Variants in CCDC60 observed in about 807,000 individuals in gnomAD.
The protein encoded by CCDC60 is coiled-coil domain-containing protein 60.
Under a neutral mutation model 63.5 loss-of-function variants are expected in CCDC60, and 54 were observed. That is an observed-to-expected ratio of 0.85 (90% CI 0.68 to 1.07). The LOEUF (loss-of-function observed/expected upper bound fraction) is 1.07. Among genes scored for constraint, CCDC60 ranks in the 50% least tolerant of loss-of-function variants. The pLI is 0.00. For synonymous variants in CCDC60, 206 were observed against 238.8 expected, an observed-to-expected ratio of 0.86 and a Z score of 1.27; for missense variants, 651 against 684.3, an observed-to-expected ratio of 0.95 and a Z score of 0.54.
rs576843624 is a variant in CCDC60, at chr12:119,435,619, A to G, written c.170+6857A>G. On this transcript the variant is annotated intron_variant, in intron 2 of 13. Coordinates refer to ENST00000327554, the MANE Select transcript of CCDC60 (RefSeq NM_178499.5). The stretch of plus-strand genomic sequence containing the variant: ...GTTTATATTTACATAGCATCTTACA[A>G]TCTTCCCCGAGGCAGGCAGGAAAAG... 7.2e-5 allele frequency among the ~76,000 whole-genome samples: 11 copies of G among 152,308 alleles called. No homozygotes were observed. In the South Asian group the frequency reaches 1.2e-3, roughly 17 times the overall value.
intron 1 of CCDC60, among the ~76,000 whole-genome samples, chr12:119,375,115 T>G (rs1955938275): frequency 1.3e-5 from 2 of 152,142 alleles, no homozygotes; most frequent in Admixed American, 1.3e-4. Context: ...TCAGCCTCAT[T>G]TTACCCAGTC....
rs1167408380 is a variant in CCDC60 at position 119,470,392 on chromosome 12, C to T, written c.171-1602C>T. ...TCCCCTGAACTGGTCCCTGGAATAG[C>T]AGGTTCTCAGCCAAGGTCAGCCAGA... On this transcript the variant is annotated intron_variant, in intron 2 of 13. Coordinates refer to ENST00000327554, the MANE Select transcript of CCDC60 (RefSeq NM_178499.5). 3.9e-5 allele frequency among the ~76,000 whole-genome samples: 6 copies of T among 152,212 alleles called. No homozygotes were observed. The South Asian group carries it at 6.2e-4, about 16-fold the overall frequency.
intron 1 of CCDC60, among the ~76,000 whole-genome samples, chr12:119,399,523 A>G (rs572036506): frequency 1.3e-5 from 2 of 152,280 alleles, no homozygotes; most frequent in East Asian, 3.9e-4. Context: ...CTCTGCCAAC[A>G]GTGCGTGTCG....
chr12:119,361,184 G>GA (rs901515309), intron 1 of CCDC60, among the ~76,000 whole-genome samples: 1 of 128,260 alleles, frequency 7.8e-6, no homozygotes, highest in Non-Finnish European at 1.6e-5. Flanking sequence ...GGGAGAGGGA[G>GA]AGGGAGAGGG....
chr12:119,374,041 T>A, intron 1 of CCDC60, among the ~76,000 whole-genome samples: 1 of 151,754 alleles, frequency 6.6e-6, no homozygotes, highest in East Asian at 1.9e-4. Flanking sequence ...AGGGGCTGAG[T>A]AGTAGGAAGC....
intron 1 of CCDC60, among the ~76,000 whole-genome samples, chr12:119,364,761 A>C (rs1211839248): frequency 6.6e-6 from 1 of 152,206 alleles, no homozygotes; most frequent in Non-Finnish European, 1.5e-5. Context: ...CCACGGGGCG[A>C]TCTCCCTTTG....
At position 119,471,993 on chromosome 12, in the gene CCDC60, G is replaced by C. The variant is rs1951070873; in HGVS notation, c.171-1G>C. ...CCCTCTTCCTCCCTGCATGTCTCCA[G>C]CTTTTTGATCCAGTCTGTGAAGATA... On this transcript the variant is annotated splice_acceptor_variant, in intron 2 of 13. Coordinates refer to ENST00000327554, the MANE Select transcript of CCDC60 (RefSeq NM_178499.5). LOFTEE classifies it high-confidence loss of function. 1 of 1,609,882 alleles carries C rather than the reference G, an allele frequency of 6.2e-7. No homozygotes were observed. The highest frequency in any genetic ancestry group is 8.5e-7 in the Non-Finnish European group (1 of 1,177,842).
At chr12:119,418,557 G>C (rs895058637) in intron 1 of CCDC60, among the ~76,000 whole-genome samples, 1 of 151,510 alleles carries the variant, frequency 6.6e-6, no homozygotes, top group Non-Finnish European at 1.5e-5. Context: ...TGGGACTACA[G>C]GTGCACGCCA....
At chr12:119,521,867 C>T (rs998985432) in intron 9 of CCDC60, among the ~76,000 whole-genome samples, 4 of 152,174 alleles carry the variant, frequency 2.6e-5, no homozygotes, top group Non-Finnish European at 5.9e-5. Flanking sequence ...GGTTGGAATC[C>T]AAAATCAAGG....
At chr12:119,440,324 A>T (rs897549453) in intron 2 of CCDC60, among the ~76,000 whole-genome samples, 3 of 152,060 alleles carry the variant, frequency 2.0e-5, no homozygotes, top group Non-Finnish European at 4.4e-5. Flanking sequence ...AGGTCAGGAG[A>T]TCAAGACCAT....
chr12:119,344,855 TCA>T (rs1199779284), intron 1 of CCDC60, among the ~76,000 whole-genome samples: 11,527 of 114,110 alleles, frequency 0.1, 448 homozygotes, highest in Middle Eastern at 0.15. Context: ...TCTCTCTCTC[TCA>T]CACACACACA....
At chr12:119,339,221 C>G (rs545349633) in intron 1 of CCDC60, among the ~76,000 whole-genome samples, 2 of 152,196 alleles carry the variant, frequency 1.3e-5, no homozygotes, top group African/African-American at 4.8e-5. Context: ...ACCACGGACC[C>G]ACGATTTCTG....
At chr12:119,397,630 A>G (rs1956282676) in intron 1 of CCDC60, among the ~76,000 whole-genome samples, 1 of 146,744 alleles carries the variant, frequency 6.8e-6, no homozygotes, top group Non-Finnish European at 1.5e-5. Flanking sequence ...TCCCCACTCA[A>G]CTCAGGAGCC....
intron 2 of CCDC60, among the ~76,000 whole-genome samples, chr12:119,463,112 C>A (rs1950889537): frequency 6.6e-6 from 1 of 152,206 alleles, no homozygotes; most frequent in African/African-American, 2.4e-5. Flanking sequence ...GCATGAGCTG[C>A]CACGCCTAGC....
Position 119,479,204 on chromosome 12 carries a change from A to C in CCDC60, c.449+3A>C. On this transcript the variant is annotated splice_donor_region_variant and intron_variant, in intron 4 of 13. Transcript: ENST00000327554. ...CCCTCGCTAACCGAGGCTCACGTGTAAGTAGTCTCACCTCCAGCTCATTTG... is the reference window on the plus strand; with the variant it reads ...CCCTCGCTAACCGAGGCTCACGTGTCAGTAGTCTCACCTCCAGCTCATTTG... The C allele has an allele frequency of 6.2e-7, 1 of 1,604,830 alleles. No homozygotes were observed. Among genetic ancestry groups the C allele is most frequent in the Non-Finnish European group, 8.5e-7 (1 of 1,171,752 alleles).
At chr12:119,515,001 G>A (rs1952317553) in intron 7 of CCDC60, among the ~76,000 whole-genome samples, 1 of 152,210 alleles carries the variant, frequency 6.6e-6, no homozygotes, top group Admixed American at 6.5e-5. Context: ...TTTGTGGCCT[G>A]GGAAAAATAA....
At chr12:119,511,619 A>G (rs778927315) in intron 7 of CCDC60, among the ~76,000 whole-genome samples, 1 of 152,240 alleles carries the variant, frequency 6.6e-6, no homozygotes, top group African/African-American at 2.4e-5. Flanking sequence ...TTAGGCATTC[A>G]AGGGTGAGAT....
At chr12:119,366,761 C>T (rs1318790461) in intron 1 of CCDC60, among the ~76,000 whole-genome samples, 1 of 152,142 alleles carries the variant, frequency 6.6e-6, no homozygotes, top group East Asian at 1.9e-4. Context: ...GGACCCACCC[C>T]ATGTACCCGT....
intron 2 of CCDC60, among the ~76,000 whole-genome samples, chr12:119,448,246 A>T (rs1950575273): frequency 6.6e-6 from 1 of 152,160 alleles, no homozygotes; most frequent in Admixed American, 6.5e-5. Flanking sequence ...AGATAATGTC[A>T]CAAGGTATAC....
Sources: gnomAD v4.1 joint callset for allele counts (sites outside exome capture counted in the v4.1 genomes callset) on GRCh38, gnomAD v4.1.1 for gene constraint, MANE v1.5 for transcripts, NCBI Gene and HGNC (gene_info 2026-07-23, HGNC 2026-07-21) for gene names.